The following IRAK3 variants were observed in gnomAD, a reference collection of about 807,000 sequenced individuals.
IRAK3 encodes the protein interleukin-1 receptor-associated kinase 3.
IRAK3 carries 57 observed loss-of-function variants against 56.6 expected under a neutral mutation model. The ratio of observed to expected loss-of-function variants is 1.01; its 90% CI spans 0.81 to 1.26. IRAK3 has a LOEUF of 1.26. IRAK3 is among the 50% of genes most tolerant of loss of function. The pLI is 0.00. For missense variants in IRAK3, 703 were observed against 719.0 expected (o/e 0.98, Z 0.25); for synonymous variants, 258 against 255.7 (o/e 1.01, Z -0.09).
chr12:66,224,674 A>G (rs550058179), intron 6 of IRAK3, among the ~76,000 whole-genome samples: 19 of 152,194 alleles, frequency 1.2e-4, no homozygotes, highest in Admixed American at 1.1e-3. Context: ...TTTCATTTTC[A>G]TAAGAACCTT....
At chr12:66,217,363 T>A in intron 6 of IRAK3, 128 bp downstream of exon 6, 1 of 771,756 alleles carries the variant, frequency 1.3e-6, no homozygotes. Context: ...GAACTTCGAA[T>A]AAATTTTGAT....
At chr12:66,215,786 GCACACACA>G (rs71096080) in intron 5 of IRAK3, among the ~76,000 whole-genome samples, 97 of 122,910 alleles carry the variant, frequency 7.9e-4, no homozygotes, top group Admixed American at 1.1e-3. Flanking sequence ...AACCCAACAT[GCACACACA>G]CACACACACA....
chr12:66,242,823 C>T (rs1430771688), intron 8 of IRAK3, among the ~76,000 whole-genome samples: 1 of 152,222 alleles, frequency 6.6e-6, no homozygotes, highest in Non-Finnish European at 1.5e-5. Context: ...CCTGTAATCC[C>T]AGCACTTCGG....
chr12:66,227,433 A>G (rs1592594282), intron 7 of IRAK3, among the ~76,000 whole-genome samples: 1 of 152,304 alleles, frequency 6.6e-6, no homozygotes, highest in African/African-American at 2.4e-5. Flanking sequence ...TCTACTAAAA[A>G]TACAAAAATT....
chr12:66,248,263 C>A lies in IRAK3; in HGVS notation c.*92C>A. On this transcript the variant is annotated 3_prime_UTR_variant, in exon 12 of 12. Coordinates refer to ENST00000261233, the MANE Select transcript of IRAK3 (RefSeq NM_007199.3). ...GAAGACATTGGCTCCATAAGCAATGCCAAGAGAATGATCAATAGTGAGTTT... is the reference window on the plus strand; with the variant it reads ...GAAGACATTGGCTCCATAAGCAATGACAAGAGAATGATCAATAGTGAGTTT... 2.4e-6 allele frequency: 2 copies of A among 842,088 alleles called. No homozygotes were observed. The highest frequency in any genetic ancestry group is 1.5e-5 in the South Asian group (1 of 67,942). The allele number at this position is 842,088 out of a possible 1,614,324, so 52.2% of individuals were successfully genotyped here. A position where few individuals can be genotyped will look rare whatever the true frequency, so the allele number is the denominator to read the frequency against.
intron 1 of IRAK3, chr12:66,196,855 G>A (rs1452206345): frequency 6.8e-7 from 1 of 1,469,498 alleles, no homozygotes; most frequent in East Asian, 2.6e-5. Flanking sequence ...GAAAGAAAGA[G>A]ACATCTTTCC....
intron 8 of IRAK3, chr12:66,235,307 G>GGGCGCC: frequency 8.1e-7 from 1 of 1,241,346 alleles, no homozygotes; most frequent in Non-Finnish European, 1.0e-6. Context: ...CCGCGGCGGC[G>GGGCGCC]GGCGCGGGCG....
rs908447073 is a variant in IRAK3 at position 66,252,973 on chromosome 12, T to C, written c.*4802T>C. On this transcript the variant is annotated 3_prime_UTR_variant, in exon 12 of 12. Coordinates refer to ENST00000261233, the MANE Select transcript of IRAK3 (RefSeq NM_007199.3). ...ACCTCAGGTCACTATCACGTGATAC[T>C]GGAGTTGCCTGTTAAATTATATTTC... 1 of 152,250 alleles carries C rather than the reference T, an allele frequency of 6.6e-6. No homozygotes were observed. Among genetic ancestry groups the C allele is most frequent in the Admixed American group, 6.5e-5 (1 of 15,284 alleles). The allele number at this position is 152,250 out of a possible 1,614,324, so 9.4% of individuals were successfully genotyped here. A position where few individuals can be genotyped will look rare whatever the true frequency, so the allele number is the denominator to read the frequency against.
chr12:66,232,673 CTG>C (rs2052855925), intron 8 of IRAK3, among the ~76,000 whole-genome samples: 1 of 152,204 alleles, frequency 6.6e-6, no homozygotes, highest in South Asian at 2.1e-4. Context: ...GTTGGTCCCT[CTG>C]TGTGTAGCTC....
intron 6 of IRAK3, among the ~76,000 whole-genome samples, chr12:66,217,587 G>A (rs1436317604): frequency 6.6e-6 from 1 of 152,162 alleles, no homozygotes; most frequent in African/African-American, 2.4e-5. Context: ...TGTTTCATCA[G>A]TATAACTCTA....
chr12:66,214,097 G>C (rs2052640748), intron 5 of IRAK3, among the ~76,000 whole-genome samples: 1 of 152,108 alleles, frequency 6.6e-6, no homozygotes, highest in African/African-American at 2.4e-5. Context: ...GAGGATGCTG[G>C]AAAGATATTA....
chr12:66,191,962 A>G (rs929168315), intron 1 of IRAK3, among the ~76,000 whole-genome samples: 2 of 152,264 alleles, frequency 1.3e-5, no homozygotes, highest in African/African-American at 2.4e-5. Context: ...CCTATATGAT[A>G]TGACCAGTGT....
At chr12:66,191,029 A>C (rs909591790) in intron 1 of IRAK3, among the ~76,000 whole-genome samples, 2 of 152,236 alleles carry the variant, frequency 1.3e-5, no homozygotes, top group African/African-American at 2.4e-5. Context: ...GAGAACAAAC[A>C]AAAGCTATTT....
At chr12:66,239,412 TA>T (rs1268966372) in intron 8 of IRAK3, among the ~76,000 whole-genome samples, 2 of 151,848 alleles carry the variant, frequency 1.3e-5, no homozygotes, top group African/African-American at 2.4e-5. Context: ...GAAGAGGGCA[TA>T]GGGGGCCACA....
At chr12:66,206,830 A>T (rs183116726) in intron 2 of IRAK3, among the ~76,000 whole-genome samples, 1 of 152,348 alleles carries the variant, frequency 6.6e-6, no homozygotes, top group Non-Finnish European at 1.5e-5. Context: ...CTGTGAAGCC[A>T]TCTAAGCCTC....
In IRAK3 at chr12:66,254,495, GA is replaced by G. The variant is rs925235715; in HGVS notation, c.*6325del. The G allele has an allele frequency of 1.3e-5, 2 of 151,722 alleles. No individual in the cohort carries two copies. Among genetic ancestry groups the G allele is most frequent in the Non-Finnish European group, 2.9e-5 (2 of 67,890 alleles). The allele number at this position is 151,722 out of a possible 1,614,324, so 9.4% of individuals were successfully genotyped here. On this transcript the variant is annotated 3_prime_UTR_variant, in exon 12 of 12. Coordinates refer to ENST00000261233, the MANE Select transcript of IRAK3 (RefSeq NM_007199.3). ...AGAGAGATCTTCACCAAATGTTAAG[GA>G]TTTTTTTTTCTGGGCTGTGGTATTT...
chr12:66,249,932 A>AT lies in IRAK3; in HGVS notation c.*1763dup, dbSNP rs1193319436. ...AGTAACATATTCACAGGTTTCTGGA[A>AT]TTGGGACGTGGACATCTTCGGGGGA... On this transcript the variant is annotated 3_prime_UTR_variant, in exon 12 of 12. Coordinates refer to ENST00000261233, the MANE Select transcript of IRAK3 (RefSeq NM_007199.3). The AT allele has an allele frequency of 6.6e-6, 1 of 152,154 alleles. No individual in the cohort carries two copies. The highest frequency in any genetic ancestry group is 1.5e-5 in the Non-Finnish European group (1 of 68,042). 9.4% of individuals were successfully genotyped at this position (152,154 alleles called of 1,614,324 possible). A position where few individuals can be genotyped will look rare whatever the true frequency, so the allele number is the denominator to read the frequency against.
chr12:66,224,402 T>C (rs1623665), intron 6 of IRAK3, among the ~76,000 whole-genome samples: 18 of 151,952 alleles, frequency 1.2e-4, no homozygotes, highest in Admixed American at 9.8e-4. Context: ...CTAATTTAAG[T>C]GATAAGATGA....
chr12:66,193,639 A>G (rs775991866), intron 1 of IRAK3, among the ~76,000 whole-genome samples: 1 of 66,312 alleles, frequency 1.5e-5, no homozygotes, highest in African/African-American at 1.1e-4. Context: ...TTTGAGGAGT[A>G]TTGGTTGGAA....
Sources: allele counts gnomAD v4.1 joint callset (sites outside exome capture counted in the v4.1 genomes callset), GRCh38; gene constraint gnomAD v4.1.1; transcripts MANE v1.5; gene names NCBI Gene and HGNC (gene_info 2026-07-23, HGNC 2026-07-21).